Variants in RBFOX3 observed in about 807,000 individuals in gnomAD.
RBFOX3 encodes the protein RNA binding fox-1 homolog 3, also known as RNA binding protein fox-1 homolog 3.
In RBFOX3, 17 loss-of-function variants were observed where a neutral mutation model predicts 48.7. The ratio of observed to expected loss-of-function variants is 0.35; its 90% CI spans 0.24 to 0.52. The LOEUF (loss-of-function observed/expected upper bound fraction) is 0.52, where lower values mean the gene tolerates loss of function less well. Ranked by LOEUF, RBFOX3 falls within the 20% of genes least tolerant of loss-of-function variation. The probability of loss-of-function intolerance (pLI) is 0.94; values close to 1 mark genes in which losing one functional copy is unlikely to be tolerated. For synonymous variants in RBFOX3, 212 were observed against 209.5 expected (o/e 1.01, Z -0.10); for missense variants, 382 against 497.5 (o/e 0.77, Z 2.21).
intron 4 of RBFOX3, among the ~76,000 whole-genome samples, chr17:79,189,702 T>A (rs1202056192): frequency 6.6e-6 from 1 of 152,190 alleles, no homozygotes; most frequent in Non-Finnish European, 1.5e-5. Context: ...CCCAATTTCC[T>A]GGGCCCTCAC....
At chr17:79,433,857 C>T (rs948071964) in intron 2 of RBFOX3, among the ~76,000 whole-genome samples, 1 of 152,176 alleles carries the variant, frequency 6.6e-6, no homozygotes, top group Non-Finnish European at 1.5e-5. Context: ...AGCTTCTGGT[C>T]GCAAAAGTTT....
At chr17:79,627,231 G>A in the RBFOX3 span, among the ~76,000 whole-genome samples, 2 of 152,174 alleles carry the variant, frequency 1.3e-5, no homozygotes, top group Non-Finnish European at 2.9e-5. Flanking sequence ...GCTCCCAGGT[G>A]ACTTTGACCA....
intron 1 of RBFOX3, among the ~76,000 whole-genome samples, chr17:79,545,168 A>C (rs1039077390): frequency 4.6e-5 from 7 of 152,344 alleles, no homozygotes; most frequent in Non-Finnish European, 8.8e-5. Flanking sequence ...GTAAAAAGAA[A>C]GAAGTCCACG....
chr17:79,275,042 T>G (rs1425336581), intron 3 of RBFOX3, among the ~76,000 whole-genome samples: 1 of 139,694 alleles, frequency 7.2e-6, no homozygotes, highest in Non-Finnish European at 1.5e-5. Context: ...GGTCCTGCCT[T>G]AGACTCTTGG....
intron 2 of RBFOX3, among the ~76,000 whole-genome samples, chr17:79,353,835 C>T (rs1052911607): frequency 9.9e-5 from 15 of 152,256 alleles, no homozygotes; most frequent in South Asian, 4.2e-4. Context: ...CTTCCCCAGG[C>T]GAACCTTGCA....
intron 8 of RBFOX3, among the ~76,000 whole-genome samples, chr17:79,102,503 G>A (rs767674071): frequency 2.0e-4 from 31 of 152,326 alleles, no homozygotes; most frequent in Non-Finnish European, 4.4e-4. Context: ...GCCTGTTGGG[G>A]TACCCAGCTC....
chr17:79,173,932 G>A (rs1444427226), intron 4 of RBFOX3, among the ~76,000 whole-genome samples: 3 of 132,976 alleles, frequency 2.3e-5, no homozygotes, highest in South Asian at 2.7e-4. Flanking sequence ...GGGGGGTGGG[G>A]GTGTCAGCGA....
intron 3 of RBFOX3, among the ~76,000 whole-genome samples, chr17:79,279,600 C>A (rs1435234769): frequency 6.6e-6 from 1 of 152,242 alleles, no homozygotes; most frequent in Admixed American, 6.5e-5. Flanking sequence ...TCTGGTCACC[C>A]TGTCCTGTCC....
the RBFOX3 span, among the ~76,000 whole-genome samples, chr17:79,655,024 C>G: frequency 6.6e-6 from 1 of 152,282 alleles, no homozygotes; most frequent in African/African-American, 2.4e-5. Flanking sequence ...GCCATTAGCA[C>G]GAGTCTGAGG....
chr17:79,467,695 T>C (rs900367865), intron 2 of RBFOX3, among the ~76,000 whole-genome samples: 26 of 152,320 alleles, frequency 1.7e-4, no homozygotes, highest in African/African-American at 5.5e-4. Flanking sequence ...CCAGCGTCCC[T>C]GGAACGTGTG....
At chr17:79,396,883 C>T (rs1245603154) in intron 2 of RBFOX3, among the ~76,000 whole-genome samples, 4 of 152,266 alleles carry the variant, frequency 2.6e-5, no homozygotes, top group Non-Finnish European at 5.9e-5. Flanking sequence ...CCACCGGTCA[C>T]GGGTCCGTGA....
the RBFOX3 span, among the ~76,000 whole-genome samples, chr17:79,633,264 G>T: frequency 3.3e-5 from 5 of 152,266 alleles, no homozygotes; most frequent in Admixed American, 2.6e-4. Context: ...CAAAGTGGCC[G>T]CCAGAAGACT....
intron 1 of RBFOX3, among the ~76,000 whole-genome samples, chr17:79,566,845 T>A (rs2092472806): frequency 6.6e-6 from 1 of 152,248 alleles, no homozygotes; most frequent in Non-Finnish European, 1.5e-5. Flanking sequence ...CCCTGGCACC[T>A]GATGGGACAG....
chr17:79,105,885 C>A (rs1187214693), intron 6 of RBFOX3, among the ~76,000 whole-genome samples: 1 of 151,954 alleles, frequency 6.6e-6, no homozygotes, highest in Non-Finnish European at 1.5e-5. Flanking sequence ...GGCTGAGCCA[C>A]CCAGCTGCTG....
intron 4 of RBFOX3, among the ~76,000 whole-genome samples, chr17:79,133,977 A>G (rs1340542959): frequency 6.6e-6 from 1 of 152,222 alleles, no homozygotes; most frequent in Non-Finnish European, 1.5e-5. Flanking sequence ...ATTAAGGAAT[A>G]TTAGCATTAT....
At chr17:79,310,699 C>T (rs2076731690) in intron 2 of RBFOX3, among the ~76,000 whole-genome samples, 1 of 152,210 alleles carries the variant, frequency 6.6e-6, no homozygotes, top group African/African-American at 2.4e-5. Context: ...GAGGGAGCAC[C>T]GCTCTGTTGC....
intron 4 of RBFOX3, among the ~76,000 whole-genome samples, chr17:79,120,180 ACATTCT>A (rs1277962034): frequency 6.6e-6 from 1 of 152,118 alleles, no homozygotes; most frequent in Non-Finnish European, 1.5e-5. Flanking sequence ...AGGGGACTGT[ACATTCT>A]CAGAGAATGG....
chr17:79,208,279 C>T (rs2057802815), intron 4 of RBFOX3, among the ~76,000 whole-genome samples: 1 of 152,232 alleles, frequency 6.6e-6, no homozygotes, highest in Admixed American at 6.5e-5. Flanking sequence ...CCCAGCCAGG[C>T]TGTCTCTGTC....
chr17:79,405,300 C>T (rs531213879), intron 2 of RBFOX3, among the ~76,000 whole-genome samples: 5 of 152,318 alleles, frequency 3.3e-5, no homozygotes, highest in African/African-American at 4.8e-5. Flanking sequence ...CGCCCGACAA[C>T]CTAGTTTATT....
Sources: allele counts gnomAD v4.1 joint callset (sites outside exome capture counted in the v4.1 genomes callset), GRCh38; gene constraint gnomAD v4.1.1; transcripts MANE v1.5; gene names NCBI Gene and HGNC (gene_info 2026-07-23, HGNC 2026-07-21).